OLFM1: variants seen among roughly 807,000 people sequenced by gnomAD.
OLFM1 encodes the protein noelin.
OLFM1 carries 9 observed loss-of-function variants against 49.7 expected under a neutral mutation model. The ratio of observed to expected loss-of-function variants is 0.18; its 90% CI spans 0.11 to 0.32. The LOEUF is 0.32. OLFM1 is among the 10% of genes least tolerant of loss of function. OLFM1 has a pLI of 1.00. For missense variants in OLFM1, 369 were observed against 661.8 expected (o/e 0.56, Z 4.85); for synonymous variants, 240 against 271.8 (o/e 0.88, Z 1.15).
intron 2 of OLFM1, among the ~76,000 whole-genome samples, chr9:135,090,900 C>G (rs1253807400): frequency 6.6e-6 from 1 of 152,240 alleles, no homozygotes; most frequent in Non-Finnish European, 1.5e-5. Flanking sequence ...GGGGCTAAAG[C>G]AGGCCATGCT....
chr9:135,090,092 G>C, intron 1 of OLFM1, 103 bp from the exon 2 acceptor site: 1 of 1,061,554 alleles, frequency 9.4e-7, no homozygotes, highest in Non-Finnish European at 1.3e-6. Context: ...CTTTTCCTTG[G>C]GGGTGGATGT....
chr9:135,107,100 T>C (rs1830955370), intron 5 of OLFM1, among the ~76,000 whole-genome samples: 2 of 152,106 alleles, frequency 1.3e-5, no homozygotes, highest in Admixed American at 1.3e-4. Flanking sequence ...GACATGGCTG[T>C]AGACCCCTTC....
At chr9:135,086,102 C>T (rs1214966218), upstream of OLFM1, among the ~76,000 whole-genome samples, 2 of 152,172 alleles carry the variant, frequency 1.3e-5, no homozygotes, top group African/African-American at 2.4e-5. Flanking sequence ...TCTGGACAGA[C>T]ACGGCTTGTG....
At chr9:135,079,545 C>T (rs927517241) in intron 1 of OLFM1, among the ~76,000 whole-genome samples, 5 of 152,056 alleles carry the variant, frequency 3.3e-5, no homozygotes, top group African/African-American at 1.2e-4. Flanking sequence ...GCAGAGGTTG[C>T]AGTGAGCCGA....
chr9:135,100,859 C>T (rs530063727), intron 4 of OLFM1, among the ~76,000 whole-genome samples: 31 of 151,960 alleles, frequency 2.0e-4, no homozygotes, highest in African/African-American at 6.3e-4. Context: ...GCAGGTAGGT[C>T]GATGGATAGA....
In OLFM1 at chr9:135,119,949, G is replaced by A; in HGVS notation, c.1229G>A (p.Gly410Asp). Residue 410 changes from glycine to aspartate, a missense_variant, in exon 6 of 6, where the codon GGC becomes GAC. By Grantham distance (94) the Gly-to-Asp change is moderately conservative (BLOSUM62 -1). Around this residue, in one of 3 missense-constraint regions of OLFM1, gnomAD observed 294 missense variants for 567.5 expected, o/e 0.52. Transcript: ENST00000371793. Reference sequence around the variant, plus strand: ...GCCGGGGAGGCCTTCATCATCTGCGGCACGCTGTACGTCACCAACGGCTAC... The same window carrying A: ...GCCGGGGAGGCCTTCATCATCTGCGACACGCTGTACGTCACCAACGGCTAC... The part of the protein sequence containing the change: ...RSAGEAFIIC[G>D]TLYVTNGYSG... 6.2e-7 allele frequency: 1 copy of A among 1,613,604 alleles called. No homozygotes were observed. Among genetic ancestry groups the A allele is most frequent in the Non-Finnish European group, 8.5e-7 (1 of 1,180,026 alleles).
At position 135,098,354 on chromosome 9, in the gene OLFM1, C is replaced by A; in HGVS notation, c.525C>A (p.Ala175=). The change falls in exon 4 of 6, where the codon GCC becomes GCA. Residue 175 remains alanine, a synonymous_variant. Transcript: ENST00000371793. The surrounding 1 kb of genome is among the most constrained non-coding windows in gnomAD (Gnocchi z 5.6). ...TGTTGGAAGAGTACAAGGCCGATGC[C>A]AAATTGGTATTGCAGTTTAAAGAGG... is the stretch of plus-strand genomic sequence containing the variant. The part of the protein sequence containing the change: ...IPVLEEYKAD[A]KLVLQFKEEV... The A allele has an allele frequency of 6.2e-7, 1 of 1,613,922 alleles. No homozygotes were observed. Among genetic ancestry groups the A allele is most frequent in the Non-Finnish European group, 8.5e-7 (1 of 1,180,038 alleles).
intron 5 of OLFM1, among the ~76,000 whole-genome samples, chr9:135,116,085 T>A (rs1203691985): frequency 6.6e-6 from 1 of 152,154 alleles, no homozygotes; most frequent in Non-Finnish European, 1.5e-5. Flanking sequence ...CAGGCATTGA[T>A]GGAATTTGAT....
Position 135,120,529 on chromosome 9 carries a change from A to C in OLFM1, c.*351A>C. On this transcript the variant is annotated 3_prime_UTR_variant, in exon 6 of 6. Transcript: ENST00000371793. ...AACCCACTGTTAGGATGGCATGAAC[A>C]TTTCCTTAGATCGTGGTCAGCTCCG... 1 of 268,754 alleles carries C rather than the reference A, an allele frequency of 3.7e-6. No individual in the cohort carries two copies. Among genetic ancestry groups the C allele is most frequent in the Non-Finnish European group, 7.0e-6 (1 of 142,060 alleles). The allele number at this position is 268,754 out of a possible 1,614,324, so 16.6% of individuals were successfully genotyped here. A position where few individuals can be genotyped will look rare whatever the true frequency, so the allele number is the denominator to read the frequency against.
chr9:135,108,574 A>AGTGAGCC (rs965162693), intron 5 of OLFM1, among the ~76,000 whole-genome samples: 2 of 151,614 alleles, frequency 1.3e-5, no homozygotes, highest in African/African-American at 4.8e-5. Context: ...CAGAGGTTGC[A>AGTGAGCC]GTGAGCCGAG....
In OLFM1 at chr9:135,088,161, C is replaced by T; in HGVS notation, c.150+22C>T. ...CGGCGTAAGTGCGCCCGCCGGCCGC[C>T]TTGGCGCGGCTCCTCCTCCTCCTCC... On this transcript the variant is annotated intron_variant, in intron 1 of 5. Transcript: ENST00000371793. This position sits in a 1 kb window ranked among gnomAD's most constrained non-coding sequence, Gnocchi z 4.8. 1.5e-6 allele frequency: 2 copies of T among 1,312,768 alleles called. No homozygotes were observed. The highest frequency in any genetic ancestry group is 2.4e-4 in the Middle Eastern group (1 of 4,096). 81.3% of individuals were successfully genotyped at this position (1,312,768 alleles called of 1,614,324 possible). A position where few individuals can be genotyped will look rare whatever the true frequency, so the allele number is the denominator to read the frequency against.
intron 5 of OLFM1, among the ~76,000 whole-genome samples, chr9:135,110,715 C>T (rs1831009521): frequency 6.6e-6 from 1 of 152,196 alleles, no homozygotes; most frequent in Non-Finnish European, 1.5e-5. Flanking sequence ...TCAGCCTTCA[C>T]TCCCCAAGTG....
chr9:135,111,426 G>C (rs1831021440), intron 5 of OLFM1, among the ~76,000 whole-genome samples: 1 of 152,172 alleles, frequency 6.6e-6, no homozygotes, highest in Non-Finnish European at 1.5e-5. Flanking sequence ...ATGGCCCATT[G>C]AACTGGAGAA....
At chr9:135,116,888 AAAG>A (rs1333384537) in intron 5 of OLFM1, among the ~76,000 whole-genome samples, 1 of 152,020 alleles carries the variant, frequency 6.6e-6, no homozygotes, top group Non-Finnish European at 1.5e-5. Context: ...AAAAAAAAAA[AAAG>A]ATCTCATTAA....
intron 1 of OLFM1, chr9:135,077,214 T>C: frequency 6.6e-7 from 1 of 1,513,498 alleles, no homozygotes; most frequent in South Asian, 1.3e-5. Flanking sequence ...GCCAACCAGG[T>C]CCTGATTAGT....
At position 135,113,749 on chromosome 9, in the gene OLFM1, T is replaced by A. The variant is rs1831055440; in HGVS notation, c.784-5755T>A. ...AGGCGGCAAGGCCTCCCCTCCGGGC[T>A]CACGGTCAGGTGGGAGACACATGCC... On this transcript the variant is annotated intron_variant, in intron 5 of 5. Transcript: ENST00000371793. The surrounding 1 kb of genome is among the most constrained non-coding windows in gnomAD (Gnocchi z 4.0). Among the ~76,000 whole-genome samples the A allele has an allele frequency of 6.6e-6, 1 of 152,174 alleles. No homozygotes were observed. Among genetic ancestry groups the A allele is most frequent in the Non-Finnish European group, 1.5e-5 (1 of 68,032 alleles).
At chr9:135,099,848 C>T (rs1415554206) in intron 4 of OLFM1, among the ~76,000 whole-genome samples, 1 of 152,204 alleles carries the variant, frequency 6.6e-6, no homozygotes, top group Non-Finnish European at 1.5e-5. Context: ...ACCATGGCTT[C>T]CCAATTTGAC....
At chr9:135,079,066 C>T (rs879858243) in intron 1 of OLFM1, among the ~76,000 whole-genome samples, 10 of 152,312 alleles carry the variant, frequency 6.6e-5, no homozygotes, top group South Asian at 2.1e-4. Flanking sequence ...AGATTTAACT[C>T]GGTCAATTCT....
chr9:135,113,728 G>A lies in OLFM1; in HGVS notation c.784-5776G>A, dbSNP rs912264978. 3.3e-5 allele frequency among the ~76,000 whole-genome samples: 5 copies of A among 152,198 alleles called. No homozygotes were observed. The highest frequency in any genetic ancestry group is 6.5e-5 in the Admixed American group (1 of 15,284). On this transcript the variant is annotated intron_variant, in intron 5 of 5. Transcript: ENST00000371793. This position sits in a 1 kb window ranked among gnomAD's most constrained non-coding sequence, Gnocchi z 4.0. ...TGGGGGTGCTGGGTCACAGTGAGGC[G>A]GCAAGGCCTCCCCTCCGGGCTCACG...
Sources: allele counts gnomAD v4.1 joint callset (sites outside exome capture counted in the v4.1 genomes callset), GRCh38; gene constraint gnomAD v4.1.1; regional missense constraint gnomAD v4.1.1; non-coding constraint Gnocchi (gnomAD v3.1); transcripts MANE v1.5; gene names NCBI Gene and HGNC (gene_info 2026-07-23, HGNC 2026-07-21).